Variants in CDKL2 observed in about 807,000 individuals in gnomAD.
CDKL2 encodes the protein cyclin-dependent kinase-like 2.
CDKL2 carries 64 observed loss-of-function variants against 63.9 expected under a neutral mutation model. That is an observed-to-expected ratio of 1.00 (90% confidence interval 0.82 to 1.23). The LOEUF (loss-of-function observed/expected upper bound fraction) is 1.23. CDKL2 is among the 50% of genes most tolerant of loss of function. The probability of loss-of-function intolerance (pLI) is 0.00; values close to 1 mark genes in which losing one functional copy is unlikely to be tolerated. For missense variants in CDKL2, 656 were observed against 668.0 expected, an observed-to-expected ratio of 0.98 and a Z score of 0.20; for synonymous variants, 211 against 229.2, an observed-to-expected ratio of 0.92 and a Z score of 0.72.
chr4:75,616,555 G>C (rs1729934533), intron 2 of CDKL2, among the ~76,000 whole-genome samples: 2 of 151,660 alleles, frequency 1.3e-5, no homozygotes, highest in Admixed American at 6.6e-5. Context: ...CCACCATGAA[G>C]TAATGAAGTA....
rs1230412822 is a variant in CDKL2 at position 75,577,119 on chromosome 4, G to C, written c.*2083C>G. 1.3e-5 allele frequency among the ~76,000 whole-genome samples: 2 copies of C among 152,062 alleles called. No individual in the cohort carries two copies. Among genetic ancestry groups the C allele is most frequent in the African/African-American group, 4.8e-5 (2 of 41,416 alleles). On this transcript the variant is annotated 3_prime_UTR_variant, in exon 14 of 14. Transcript: ENST00000307465. ...TTAAACCATCTATGGAGCCCAGTAA[G>C]ATAATATTTATTAATTTTAAAACAT...
At position 75,594,423 on chromosome 4, in the gene CDKL2, G is replaced by A. The variant is rs571662485; in HGVS notation, c.1416+1824C>T. 7.4e-4 allele frequency among the ~76,000 whole-genome samples: 112 copies of A among 152,024 alleles called. No homozygotes were observed. In the Middle Eastern group the frequency reaches 0.01, roughly 14 times the overall value. ...AGATCATGCCACTGCACTCCAGCCT[G>A]GGCGACAGAGCGAGATTCTGACTCG... On this transcript the variant is annotated intron_variant, in intron 10 of 13. Transcript: ENST00000307465.
chr4:75,597,863 T>C (rs913415101), intron 8 of CDKL2, among the ~76,000 whole-genome samples: 2 of 152,240 alleles, frequency 1.3e-5, no homozygotes, highest in Non-Finnish European at 2.9e-5. Context: ...ATTTAAGCAC[T>C]GTTGCACAGT....
In CDKL2 at chr4:75,596,944, T is replaced by G. The variant is rs750637035; in HGVS notation, c.1313A>C (p.Gln438Pro). The change falls in exon 9 of 14, where the codon CAG (glutamine) becomes CCG (proline). Residue 438 changes from glutamine to proline, a missense_variant. Gln to Pro is a moderately conservative substitution (Grantham distance 76). Transcript: ENST00000307465. ...TTTTACTAATTCATACCTGTAACCC[T>G]GAATTGGTATAGTCTCAGTCCCCAT... ...SGMGTETIPI[Q>P]GYRVDEKTKK... The G allele has an allele frequency of 6.2e-7, 1 of 1,609,614 alleles. No individual in the cohort carries two copies.
At chr4:75,611,918 T>C (rs578141626) in intron 3 of CDKL2, among the ~76,000 whole-genome samples, 2 of 151,948 alleles carry the variant, frequency 1.3e-5, no homozygotes, top group African/African-American at 4.8e-5. Flanking sequence ...CCTCCCAAAT[T>C]GCTGGAATTA....
intron 12 of CDKL2, among the ~76,000 whole-genome samples, chr4:75,584,065 T>A (rs1323488977): frequency 6.6e-6 from 1 of 152,222 alleles, no homozygotes; most frequent in African/African-American, 2.4e-5. Flanking sequence ...AGTACCGATA[T>A]GAAGGGACTT....
chr4:75,594,625 G>C lies in CDKL2; in HGVS notation c.1416+1622C>G, dbSNP rs151293181. Among the ~76,000 whole-genome samples the C allele has an allele frequency of 8.6e-4, 131 of 152,116 alleles. 2 individuals carry two copies. The highest frequency in any genetic ancestry group is 3.0e-3 in the African/African-American group (123 of 41,508). On this transcript the variant is annotated intron_variant, in intron 10 of 13. Transcript: ENST00000307465. ...TGCAATGGAAAAAAAAATAAGCAAG[G>C]AGAAGGCATCGAACATAAAGGGAGG...
At chr4:75,610,120 G>A (rs1334998230) in intron 3 of CDKL2, among the ~76,000 whole-genome samples, 1 of 151,612 alleles carries the variant, frequency 6.6e-6, no homozygotes, top group Non-Finnish European at 1.5e-5. Context: ...GGAGAATGGC[G>A]TGAACCTGGG....
intron 2 of CDKL2, among the ~76,000 whole-genome samples, chr4:75,621,667 C>G (rs536629701): frequency 1.3e-5 from 2 of 152,120 alleles, no homozygotes; most frequent in Non-Finnish European, 1.5e-5. Flanking sequence ...TCCTGAATAG[C>G]AAAGACTATA....
intron 10 of CDKL2, 112 bp downstream of exon 10, chr4:75,596,135 C>T: frequency 1.5e-6 from 1 of 654,380 alleles, no homozygotes; most frequent in Non-Finnish European, 2.7e-6. Flanking sequence ...TAAGGTTTCA[C>T]TTTATGTGTA....
At chr4:75,592,318 C>G (rs1728753141) in intron 10 of CDKL2, 49 bp from the exon 11 acceptor site, 1 of 1,443,842 alleles carries the variant, frequency 6.9e-7, no homozygotes, top group African/African-American at 1.4e-5. Flanking sequence ...TCAAGGTTAG[C>G]TAGGCTTTCC....
intron 10 of CDKL2, among the ~76,000 whole-genome samples, chr4:75,592,545 G>C (rs1728761769): frequency 6.6e-6 from 1 of 152,208 alleles, no homozygotes; most frequent in African/African-American, 2.4e-5. Flanking sequence ...GTCCCAGCAA[G>C]TAGTAAAAGG....
chr4:75,580,791 C>G (rs1230550961), intron 13 of CDKL2, among the ~76,000 whole-genome samples: 1 of 149,132 alleles, frequency 6.7e-6, no homozygotes, highest in Admixed American at 6.6e-5. Context: ...AGCTCCGCCT[C>G]CCGGGTTCAC....
chr4:75,595,092 TCTAGATCA>T (rs1443420971), intron 10 of CDKL2, among the ~76,000 whole-genome samples: 1 of 152,174 alleles, frequency 6.6e-6, no homozygotes, highest in Admixed American at 6.5e-5. Flanking sequence ...TTGCTGATCC[TCTAGATCA>T]TGAAGTCCTT....
chr4:75,610,883 T>C (rs572508184), intron 3 of CDKL2, among the ~76,000 whole-genome samples: 52 of 152,300 alleles, frequency 3.4e-4, no homozygotes, highest in African/African-American at 1.2e-3. Context: ...ACTACCGTTA[T>C]TATCTGTCTA....
rs1472672440 is a variant in CDKL2 at position 75,578,922 on chromosome 4, T to C, written c.*280A>G. 1.7e-4 allele frequency: 26 copies of C among 152,664 alleles called. No homozygotes were observed. The highest frequency in any genetic ancestry group is 5.9e-5 in the Non-Finnish European group (4 of 68,046). 9.5% of individuals were successfully genotyped at this position (152,664 alleles called of 1,614,324 possible). On this transcript the variant is annotated 3_prime_UTR_variant, in exon 14 of 14. Transcript: ENST00000307465. The stretch of plus-strand genomic sequence containing the variant: ...ATACACATTCATGTAACAAGAACCA[T>C]ATCACTGTTATTCCACTGGATATGT...
chr4:75,608,122 CTTTT>C (rs34604898), intron 3 of CDKL2, among the ~76,000 whole-genome samples: 3 of 88,132 alleles, frequency 3.4e-5, no homozygotes, highest in Admixed American at 1.7e-4. Flanking sequence ...GGCCAAAAAC[CTTTT>C]TTTTTTTTTT....
chr4:75,624,930 C>T (rs965883526), intron 2 of CDKL2, among the ~76,000 whole-genome samples: 1 of 152,158 alleles, frequency 6.6e-6, no homozygotes, highest in African/African-American at 2.4e-5. Context: ...TTTAACTCAA[C>T]AGCAAGATAT....
chr4:75,625,099 A>T (rs1296173080), intron 2 of CDKL2, among the ~76,000 whole-genome samples: 2 of 152,238 alleles, frequency 1.3e-5, no homozygotes, highest in African/African-American at 4.8e-5. Context: ...AGGAAAATAA[A>T]TAAGAATTTG....
Sources: gnomAD v4.1 joint callset for allele counts (sites outside exome capture counted in the v4.1 genomes callset) on GRCh38, gnomAD v4.1.1 for gene constraint, MANE v1.5 for transcripts, NCBI Gene and HGNC (gene_info 2026-07-23, HGNC 2026-07-21) for gene names.